PER2: variants seen among roughly 807,000 people sequenced by gnomAD.
PER2 encodes the protein period circadian protein homolog 2.
A neutral mutation model predicts 121.0 loss-of-function variants in PER2; 66 were observed. The observed-to-expected ratio is 0.55, with a 90% CI of 0.45 to 0.67. The LOEUF (loss-of-function observed/expected upper bound fraction) is 0.67. PER2 is among the 30% of genes least tolerant of loss of function. The probability of loss-of-function intolerance (pLI) is 0.00; values close to 1 mark genes in which losing one functional copy is unlikely to be tolerated. For synonymous variants in PER2, 684 were observed against 659.9 expected (o/e 1.04, Z -0.56); for missense variants, 1,521 against 1,635.0 (o/e 0.93, Z 1.20).
chr2:238,251,862 G>A, intron 19 of PER2, 101 bp from the exon 20 acceptor site: 2 of 888,320 alleles, frequency 2.3e-6, no homozygotes, highest in Non-Finnish European at 3.7e-6. Context: ...TGAGGGTGGA[G>A]GGGTGCTGTG....
At chr2:238,286,340 G>A (rs967193632) in intron 1 of PER2, among the ~76,000 whole-genome samples, 17 of 152,132 alleles carry the variant, frequency 1.1e-4, no homozygotes, top group African/African-American at 4.1e-4. Context: ...CTCTGTCTTG[G>A]GAACTACCAG....
chr2:238,277,679 C>T, intron 2 of PER2, 28 bp downstream of exon 2: 1 of 1,613,246 alleles, frequency 6.2e-7, no homozygotes, highest in Non-Finnish European at 8.5e-7. Context: ...ACCTGCCCAG[C>T]CTCCATCTGG....
upstream of PER2, chr2:238,288,639 C>G (rs1366666143): frequency 6.6e-6 from 1 of 150,426 alleles, no homozygotes; most frequent in Non-Finnish European, 1.5e-5. Context: ...CGCCGCGCCA[C>G]TTACCGCCGG....
rs201686364 is a variant in PER2 at position 238,259,955 on chromosome 2, ATT to A, written c.1627+12_1627+13del. 218 of 998,628 alleles carry A rather than the reference ATT, an allele frequency of 2.2e-4. No individual in the cohort carries two copies. Among genetic ancestry groups the A allele is most frequent in the African/African-American group, 3.4e-4 (21 of 61,374 alleles). The allele number at this position is 998,628 out of a possible 1,614,324, so 61.9% of individuals were successfully genotyped here. A position where few individuals can be genotyped will look rare whatever the true frequency, so the allele number is the denominator to read the frequency against. On this transcript the variant is annotated intron_variant, in intron 14 of 22. Transcript: ENST00000254657. ...TAGTTTCAGTAAGGAAATGTTGAAT[ATT>A]TTTTTTTTTACCTGTAACGGATTTT...
intron 21 of PER2, 63 bp downstream of exon 21, chr2:238,250,488 T>G (rs958728007): frequency 8.4e-7 from 1 of 1,189,496 alleles, no homozygotes; most frequent in Non-Finnish European, 1.2e-6. Context: ...TTGACCTTGT[T>G]GTTTCTGGGA....
Position 238,253,931 on chromosome 2 carries a change from A to G in PER2, c.2321-229T>C, listed in dbSNP as rs1298232750. On this transcript the variant is annotated intron_variant, in intron 18 of 22. Transcript: ENST00000254657. This position sits in a 1 kb window ranked among gnomAD's most constrained non-coding sequence, Gnocchi z 5.6. ...TTACAAGCTCTTAATTGCAGGACAC[A>G]TTCCTTATTTTCTTCTGGTATTAAA... Among the ~76,000 whole-genome samples the G allele has an allele frequency of 2.0e-5, 3 of 152,232 alleles. No individual in the cohort carries two copies. The highest frequency in any genetic ancestry group is 7.2e-5 in the African/African-American group (3 of 41,456).
intron 9 of PER2, among the ~76,000 whole-genome samples, chr2:238,265,062 T>C (rs1450471567): frequency 6.6e-6 from 1 of 152,178 alleles, no homozygotes; most frequent in Admixed American, 6.5e-5. Context: ...TCGCACCTGC[T>C]ACAGCACCCT....
intron 1 of PER2, among the ~76,000 whole-genome samples, chr2:238,284,483 A>C (rs1696724646): frequency 1.3e-5 from 2 of 152,120 alleles, no homozygotes; most frequent in Non-Finnish European, 2.9e-5. Flanking sequence ...AAAGAAAAAC[A>C]GATGGGCAAC....
Position 238,251,717 on chromosome 2 carries a change from C to T in PER2, c.3156G>A (p.Thr1052=), listed in dbSNP as rs771960253. Residue 1052 remains threonine (T), a synonymous_variant, in exon 20 of 23, where the codon ACG becomes ACA. Transcript: ENST00000254657. ...SDTQNSDALS[T]SSGLLNLLLN... is the part of the protein sequence containing the mutation. ...GCAGGAGGTTTAGGAGGCCGCTTGA[C>T]GTGGAAAGGGCGTCACTGTTCTGTG... 1.8e-5 allele frequency: 29 copies of T among 1,612,764 alleles called. No homozygotes were observed. Among genetic ancestry groups the T allele is most frequent in the Middle Eastern group, 1.6e-4 (1 of 6,076 alleles).
At chr2:238,258,974 C>T (rs1695845603) in intron 14 of PER2, among the ~76,000 whole-genome samples, 1 of 152,194 alleles carries the variant, frequency 6.6e-6, no homozygotes, top group Non-Finnish European at 1.5e-5. Flanking sequence ...CCAATGAGAG[C>T]CCACGTACTT....
At chr2:238,297,280 G>A in the PER2 span, among the ~76,000 whole-genome samples, 200 of 152,226 alleles carry the variant, frequency 1.3e-3, 1 homozygote, top group Non-Finnish European at 2.1e-3. Flanking sequence ...TATGGAGAAG[G>A]TGCTGGAAGA....
At chr2:238,251,112 C>T (rs1226220603) in intron 20 of PER2, among the ~76,000 whole-genome samples, 1 of 152,248 alleles carries the variant, frequency 6.6e-6, no homozygotes, top group African/African-American at 2.4e-5. Flanking sequence ...CCTAGCCAGC[C>T]TCACCTGTGC....
chr2:238,294,895 G>A (rs559432998), upstream of PER2, among the ~76,000 whole-genome samples: 3 of 152,294 alleles, frequency 2.0e-5, no homozygotes, highest in South Asian at 6.2e-4. Context: ...TGCTCCCTGC[G>A]TTCCATTAAT....
At chr2:238,298,770 G>C in the PER2 span, 1 of 152,252 alleles carries the variant, frequency 6.6e-6, no homozygotes. Flanking sequence ...GCATTGGGTG[G>C]TGCTTCCTGA....
intron 3 of PER2, 124 bp downstream of exon 3, chr2:238,277,007 A>C (rs1439248782): frequency 2.1e-5 from 17 of 795,808 alleles, no homozygotes; most frequent in Non-Finnish European, 3.9e-5. Flanking sequence ...GTACCCACAT[A>C]GCCACACAGA....
At position 238,277,191 on chromosome 2, in the gene PER2, G is replaced by A; in HGVS notation, c.233C>T (p.Pro78Leu). The A allele has an allele frequency of 6.2e-7, 1 of 1,610,562 alleles. No individual in the cohort carries two copies. Among genetic ancestry groups the A allele is most frequent in the Non-Finnish European group, 8.5e-7 (1 of 1,176,798 alleles). Residue 78 changes from proline (P) to leucine (L), a missense_variant and splice_region_variant, in exon 3 of 23, where the codon CCA becomes CTA. Coordinates refer to ENST00000254657, the MANE Select transcript of PER2 (RefSeq NM_022817.3). Reference protein sequence around the residue: ...LVEPPDARQSPDTFSLMMAKS... With the variant: ...LVEPPDARQSLDTFSLMMAKS... ...TGCCATCATCAGGCTAAAGGTATCT[G>A]GACTATGAAAACAAAAAATAAAAGC...
At position 238,274,958 on chromosome 2, in the gene PER2, G is replaced by A. The variant is rs143458405; in HGVS notation, c.448+785C>T. On this transcript the variant is annotated intron_variant, in intron 4 of 22. Transcript: ENST00000254657. ...CTGGCTCAAGGGACCCCAGAGATGA[G>A]TGCTGATGACCTGCTCACTGCTGAT... 4.9e-3 allele frequency among the ~76,000 whole-genome samples: 751 copies of A among 152,274 alleles called. 2 individuals are homozygous for A. Among genetic ancestry groups the A allele is most frequent in the African/African-American group, 0.017 (700 of 41,564 alleles).
rs1696189980 is a variant in PER2, at chr2:238,268,713, G to A, written c.824+210C>T. On this transcript the variant is annotated intron_variant, in intron 7 of 22. Transcript: ENST00000254657. The surrounding 1 kb of genome is among the most constrained non-coding windows in gnomAD (Gnocchi z 4.0). ...CAGAGAGAAAGTGCAGGTCCATGAG[G>A]GGCAGGTTAAAGCACTCCACTGCTG... Among the ~76,000 whole-genome samples, 1 of 152,206 alleles carries A rather than the reference G, an allele frequency of 6.6e-6. No homozygotes were observed. Among genetic ancestry groups the A allele is most frequent in the African/African-American group, 2.4e-5 (1 of 41,460 alleles).
In PER2 at chr2:238,277,689, G is replaced by A. The variant is rs574196527; in HGVS notation, c.230+18C>T. ...AAACAACCTGCCCAGCCTCCATCTGGCCAGAGGCTGAACTCACCTCTGGCG... is the reference window on the plus strand; with the variant it reads ...AAACAACCTGCCCAGCCTCCATCTGACCAGAGGCTGAACTCACCTCTGGCG... On this transcript the variant is annotated intron_variant, in intron 2 of 22. Transcript: ENST00000254657. The A allele has an allele frequency of 2.5e-5, 40 of 1,613,498 alleles. No individual in the cohort carries two copies. The highest frequency in any genetic ancestry group is 3.3e-5 in the Non-Finnish European group (39 of 1,179,902).
Sources: gnomAD v4.1 joint callset for allele counts (sites outside exome capture counted in the v4.1 genomes callset) on GRCh38, gnomAD v4.1.1 for gene constraint, Gnocchi (gnomAD v3.1) non-coding constraint, MANE v1.5 for transcripts, NCBI Gene and HGNC (gene_info 2026-07-23, HGNC 2026-07-21) for gene names.